Variants in MOV10 observed in about 807,000 individuals in gnomAD.
MOV10 encodes the protein RNA helicase MOV-10.
A neutral mutation model predicts 108.4 loss-of-function variants in MOV10; 39 were observed. That is an observed-to-expected ratio of 0.36 (90% confidence interval 0.28 to 0.47). The LOEUF is 0.47. Ranked by LOEUF, MOV10 falls within the 20% of genes least tolerant of loss-of-function variation. MOV10 has a pLI of 1.00. For synonymous variants in MOV10, 490 were observed against 523.1 expected (o/e 0.94, Z 0.86); for missense variants, 952 against 1,297.6 (o/e 0.73, Z 4.09).
Position 112,688,818 on chromosome 1 carries a change from A to G in MOV10, c.138-117A>G. The G allele has an allele frequency of 5.2e-6, 8 of 1,539,522 alleles. No homozygotes were observed. The Middle Eastern group carries it at 9.6e-4, about 184-fold the overall frequency. On this transcript the variant is annotated intron_variant, in intron 2 of 20. Coordinates refer to ENST00000369645, the MANE Select transcript of MOV10 (RefSeq NM_001321324.2). ...CTGTCTCTGGGCCCCATCCTGCTCC[A>G]CAGCAGGGCTGGTGTGTCCAGCACA...
At chr1:112,699,655 G>A in intron 17 of MOV10, 30 bp from the exon 18 acceptor site, 1 of 1,613,916 alleles carries the variant, frequency 6.2e-7, no homozygotes, top group Non-Finnish European at 8.5e-7. Context: ...ACCCCTGGCT[G>A]GTCTCAGGCC....
intron 2 of MOV10, among the ~76,000 whole-genome samples, chr1:112,677,794 T>A (rs1039494311): frequency 6.6e-6 from 1 of 152,078 alleles, no homozygotes; most frequent in African/African-American, 2.4e-5. Context: ...CAAGTCACAC[T>A]CTTTAGGAAT....
At chr1:112,695,767 G>A (rs1674017051) in intron 11 of MOV10, among the ~76,000 whole-genome samples, 193 bp downstream of exon 11, 1 of 152,146 alleles carries the variant, frequency 6.6e-6, no homozygotes, top group South Asian at 2.1e-4. Context: ...GGGGCTGGGT[G>A]CAGTGGCTTA....
Position 112,675,611 on chromosome 1 carries a change from G to A in MOV10, c.137+562G>A, listed in dbSNP as rs1179254765. ...GAAAGAAGAAAAGGGCACAAACTAC[G>A]TGCGTACCAAACCTCCATTAGCACC... On this transcript the variant is annotated intron_variant, in intron 2 of 20. Coordinates refer to ENST00000369645, the MANE Select transcript of MOV10 (RefSeq NM_001321324.2). The surrounding 1 kb of genome is among the most constrained non-coding windows in gnomAD (Gnocchi z 4.7). Among the ~76,000 whole-genome samples, 3 of 152,242 alleles carry A rather than the reference G, an allele frequency of 2.0e-5. No individual in the cohort carries two copies. The highest frequency in any genetic ancestry group is 7.2e-5 in the African/African-American group (3 of 41,468).
intron 18 of MOV10, 35 bp downstream of exon 18, chr1:112,699,845 C>A: frequency 6.2e-7 from 1 of 1,614,014 alleles, no homozygotes; most frequent in Non-Finnish European, 8.5e-7. Context: ...GGAATTCTTC[C>A]ATTCTCGGGG....
At position 112,691,702 on chromosome 1, in the gene MOV10, G is replaced by A. The variant is rs1216720819; in HGVS notation, c.874G>A (p.Gly292Arg). ...TGACCTGGAGTTAAGTATGGCGCTGGGGACATACTACCCACCTCCCCGCCT... is the reference window on the plus strand; with the variant it reads ...TGACCTGGAGTTAAGTATGGCGCTGAGGACATACTACCCACCTCCCCGCCT... ...GYDLELSMAL[G>R]TYYPPPRLRQ... Residue 292 changes from glycine (G) to arginine (R), a missense_variant, in exon 6 of 21, where the codon GGG (glycine) becomes AGG (arginine). Gly to Arg is a moderately radical substitution (Grantham distance 125, BLOSUM62 -2). Coordinates refer to ENST00000369645, the MANE Select transcript of MOV10 (RefSeq NM_001321324.2). The A allele has an allele frequency of 1.2e-6, 2 of 1,614,002 alleles. No homozygotes were observed. The highest frequency in any genetic ancestry group is 1.7e-6 in the Non-Finnish European group (2 of 1,180,004).
chr1:112,699,526 C>T, intron 17 of MOV10, 159 bp from the exon 18 acceptor site: 1 of 1,471,910 alleles, frequency 6.8e-7, no homozygotes, highest in Non-Finnish European at 9.0e-7. Flanking sequence ...GCCTACCTCC[C>T]ATCCCCTTTC....
In MOV10 at chr1:112,691,789, G is replaced by A. The variant is rs773101901; in HGVS notation, c.961G>A (p.Ala321Thr). 21 of 1,613,634 alleles carry A rather than the reference G, an allele frequency of 1.3e-5. No homozygotes were observed. The highest frequency in any genetic ancestry group is 4.5e-5 in the East Asian group (2 of 44,878). The change falls in exon 6 of 21, where the codon GCA (alanine) becomes ACA (threonine). Residue 321 changes from alanine to threonine, a missense_variant. This residue lies in a region of MOV10 where 374 missense variants were observed against 468.6 expected (regional missense o/e 0.80). Coordinates refer to ENST00000369645, the MANE Select transcript of MOV10 (RefSeq NM_001321324.2). The part of the protein sequence containing the change: ...TSIFTAPKEI[A>T]EIKAQLETAL... ...TATCTTCACTGCCCCTAAGGAGATC[G>A]CAGAGATCAAGTAAGTACCATCCCT...
chr1:112,700,172 C>T (rs377444858), intron 19 of MOV10, 47 bp from the exon 20 acceptor site: 84 of 1,613,106 alleles, frequency 5.2e-5, no homozygotes, highest in Non-Finnish European at 6.5e-5. Context: ...GGGACAGGAC[C>T]GTGGCTTAGC....
chr1:112,680,985 A>G, intron 2 of MOV10, among the ~76,000 whole-genome samples: 1 of 151,658 alleles, frequency 6.6e-6, no homozygotes, highest in Non-Finnish European at 1.5e-5. Flanking sequence ...TACAGGCGTG[A>G]GCTACTGCAC....
chr1:112,691,285 G>GA (rs1387065146), intron 5 of MOV10, among the ~76,000 whole-genome samples: 2 of 151,378 alleles, frequency 1.3e-5, no homozygotes, highest in African/African-American at 4.9e-5. Flanking sequence ...ACTCAAAAAA[G>GA]AAAAAAAAGC....
chr1:112,696,809 G>T lies in MOV10; in HGVS notation c.2161G>T (p.Asp721Tyr), dbSNP rs1380518531. 6.2e-7 allele frequency: 1 copy of T among 1,604,398 alleles called. No individual in the cohort carries two copies. The highest frequency in any genetic ancestry group is 8.5e-7 in the Non-Finnish European group (1 of 1,174,994). The change falls in exon 14 of 21, where the codon GAC becomes TAC. Residue 721 changes from aspartate (D) to tyrosine (Y), a missense_variant. Transcript: ENST00000369645. The stretch of plus-strand genomic sequence containing the variant: ...GTACAAGAAGGGCCCTGATGGCTAT[G>T]ACCCCCAGTTCATAACCAAGCTGCT... ...SLYKKGPDGY[D>Y]PQFITKLLRN...
chr1:112,694,643 C>A lies in MOV10; in HGVS notation c.1472+14C>A. On this transcript the variant is annotated intron_variant, in intron 9 of 20. Transcript: ENST00000369645. The surrounding 1 kb of genome is among the most constrained non-coding windows in gnomAD (Gnocchi z 4.1). ...TGTGAAACTCAAGTGAGACTGTGGG[C>A]AGGGAGCTTCTGGAGCCACTTGGAG... The A allele has an allele frequency of 6.3e-7, 1 of 1,592,932 alleles. No homozygotes were observed. The highest frequency in any genetic ancestry group is 1.1e-5 in the South Asian group (1 of 87,522).
Position 112,694,070 on chromosome 1 carries a change from T to A in MOV10, c.1193T>A (p.Phe398Tyr). ...RPSVLRGDHL[F>Y]ALLSSETHQE... ...TCAGTGCTACGGGGCGACCACCTGTTTGCCCTTTTGTCCTCGGAGACACAC... is the reference window on the plus strand; with the variant it reads ...TCAGTGCTACGGGGCGACCACCTGTATGCCCTTTTGTCCTCGGAGACACAC... The change falls in exon 8 of 21, where the codon TTT becomes TAT. Residue 398 changes from phenylalanine (F) to tyrosine (Y), a missense_variant. Physicochemically the swap from Phe to Tyr is conservative, Grantham distance 22. This residue lies in a region of MOV10 where 18 missense variants were observed against 56.7 expected (regional missense o/e 0.32). Coordinates refer to ENST00000369645, the MANE Select transcript of MOV10 (RefSeq NM_001321324.2). This position sits in a 1 kb window ranked among gnomAD's most constrained non-coding sequence, Gnocchi z 4.1. 1 of 1,614,040 alleles carries A rather than the reference T, an allele frequency of 6.2e-7. No homozygotes were observed. The highest frequency in any genetic ancestry group is 8.5e-7 in the Non-Finnish European group (1 of 1,179,998).
At position 112,694,060 on chromosome 1, in the gene MOV10, G is replaced by A; in HGVS notation, c.1183G>A (p.Asp395Asn). 3 of 1,613,948 alleles carry A rather than the reference G, an allele frequency of 1.9e-6. No individual in the cohort carries two copies. Among genetic ancestry groups the A allele is most frequent in the Admixed American group, 1.7e-5 (1 of 60,006 alleles). The change falls in exon 8 of 21, where the codon GAC (aspartate) becomes AAC (asparagine). Residue 395 changes from aspartate to asparagine, a missense_variant. Around this residue, in one of 5 missense-constraint regions of MOV10, gnomAD observed 18 missense variants for 56.7 expected, o/e 0.32. Coordinates refer to ENST00000369645, the MANE Select transcript of MOV10 (RefSeq NM_001321324.2). The surrounding 1 kb of genome is among the most constrained non-coding windows in gnomAD (Gnocchi z 4.1). Reference sequence around the variant, plus strand: ...GAGCCGCCCCTCAGTGCTACGGGGCGACCACCTGTTTGCCCTTTTGTCCTC... The same window carrying A: ...GAGCCGCCCCTCAGTGCTACGGGGCAACCACCTGTTTGCCCTTTTGTCCTC... Reference protein sequence around the residue: ...TESRPSVLRGDHLFALLSSET... With the variant: ...TESRPSVLRGNHLFALLSSET...
At chr1:112,681,880 T>TA (rs895284377) in intron 2 of MOV10, among the ~76,000 whole-genome samples, 35 of 148,040 alleles carry the variant, frequency 2.4e-4, no homozygotes, top group East Asian at 1.4e-3. Flanking sequence ...TGCCTAGAAA[T>TA]AAAAAAAAAT....
In MOV10 at chr1:112,700,696, G is replaced by C. The variant is rs1285599725; in HGVS notation, c.*189G>C. On this transcript the variant is annotated 3_prime_UTR_variant, in exon 21 of 21. Coordinates refer to ENST00000369645, the MANE Select transcript of MOV10 (RefSeq NM_001321324.2). The stretch of plus-strand genomic sequence containing the variant: ...CAAGCTGCTAACAATTGGGGGAAGG[G>C]GAAGGAAGAAAACTCTGAAAACAAA... The C allele has an allele frequency of 6.6e-7, 1 of 1,525,314 alleles. No homozygotes were observed. The highest frequency in any genetic ancestry group is 1.2e-5 in the South Asian group (1 of 81,350). The allele number at this position is 1,525,314 out of a possible 1,614,324, so 94.5% of individuals were successfully genotyped here.
chr1:112,690,399 G>A (rs1330559162), intron 5 of MOV10, among the ~76,000 whole-genome samples: 1 of 151,960 alleles, frequency 6.6e-6, no homozygotes, highest in Non-Finnish European at 1.5e-5. Flanking sequence ...TTGCTCTGTC[G>A]CCCAGGCTGG....
chr1:112,680,334 T>G (rs1042482635), intron 2 of MOV10, among the ~76,000 whole-genome samples: 1 of 151,900 alleles, frequency 6.6e-6, no homozygotes, highest in South Asian at 2.1e-4. Flanking sequence ...CTTTAATGTT[T>G]TATGTTAGAT....
Sources: gnomAD v4.1 joint callset for allele counts (sites outside exome capture counted in the v4.1 genomes callset) on GRCh38, gnomAD v4.1.1 for gene constraint, gnomAD v4.1.1 regional missense constraint, Gnocchi (gnomAD v3.1) non-coding constraint, MANE v1.5 for transcripts, NCBI Gene and HGNC (gene_info 2026-07-23, HGNC 2026-07-21) for gene names.